The following RNF103 variants were observed in gnomAD, a reference collection of about 807,000 sequenced individuals.
The protein encoded by RNF103 is E3 ubiquitin-protein ligase RNF103.
A neutral mutation model predicts 66.2 loss-of-function variants in RNF103; 23 were observed. The observed-to-expected ratio is 0.35, with a 90% confidence interval of 0.25 to 0.49. RNF103 has a LOEUF of 0.49. Ranked by LOEUF, RNF103 falls within the 20% of genes least tolerant of loss-of-function variation. The probability of loss-of-function intolerance (pLI) is 0.98; values close to 1 mark genes in which losing one functional copy is unlikely to be tolerated. For missense variants in RNF103, 730 were observed against 814.7 expected (o/e 0.90, Z 1.27); for synonymous variants, 297 against 289.9 (o/e 1.02, Z -0.25).
chr2:86,622,248 T>A (rs1679254665), intron 1 of RNF103, among the ~76,000 whole-genome samples: 2 of 152,236 alleles, frequency 1.3e-5, no homozygotes, highest in South Asian at 4.1e-4. Flanking sequence ...ACTCTGGGTA[T>A]CTTATTATTA....
chr2:86,622,769 G>C lies in RNF103; in HGVS notation c.118C>G (p.Pro40Ala), dbSNP rs747704544. The C allele has an allele frequency of 1.2e-6, 2 of 1,614,146 alleles. No individual in the cohort carries two copies. The highest frequency in any genetic ancestry group is 3.3e-5 in the Admixed American group (2 of 60,030). ...TGIFATQLVD[P>A]VALSFKKLKT... The stretch of plus-strand genomic sequence containing the variant: ...AGCTTCTTGAAGCTCAGCGCCACCG[G>C]ATCCACCAGCTGGGTGGCAAAGATG... The change falls in exon 1 of 4, where the codon CCG becomes GCG. Residue 40 changes from proline to alanine, a missense_variant. Transcript: ENST00000237455.
Position 86,603,911 on chromosome 2 carries a change from AC to A in RNF103, c.1989del (p.Trp664GlyfsTer33). On this transcript the variant is annotated frameshift_variant, in exon 4 of 4. Transcript: ENST00000237455. LOFTEE classifies it high-confidence loss of function. ...AGGRHCCPVC[R>X]WPSYKKKQPY... is the part of the protein sequence containing the mutation. ...GGCTGCTTTTTTTTATAAGAAGGCC[AC>A]CGGCAAACAGGGCAACAATGTCGGC... 1 of 1,614,180 alleles carries A rather than the reference AC, an allele frequency of 6.2e-7. No individual in the cohort carries two copies.
intron 2 of RNF103, chr2:86,614,828 C>T: frequency 1.0e-6 from 1 of 985,014 alleles, no homozygotes; most frequent in Non-Finnish European, 1.2e-6. Context: ...ATACTCTCTA[C>T]TCTTTGCCCT....
intron 3 of RNF103, among the ~76,000 whole-genome samples, chr2:86,609,163 T>C (rs1195740348): frequency 6.6e-6 from 1 of 152,118 alleles, no homozygotes; most frequent in African/African-American, 2.4e-5. Context: ...AAGACTGAAT[T>C]AGTTCTTGTG....
Position 86,622,975 on chromosome 2 carries a change from G to A in RNF103, c.-89C>T. ...GGGGGCCGCGGCTCGGTGGCAGCTT[G>A]GGCGAGGGCCCCGTGTCCACGCGCG... On this transcript the variant is annotated 5_prime_UTR_variant, in exon 1 of 4. Transcript: ENST00000237455. 6.8e-7 allele frequency: 1 copy of A among 1,460,692 alleles called. No individual in the cohort carries two copies. Among genetic ancestry groups the A allele is most frequent in the Non-Finnish European group, 9.0e-7 (1 of 1,106,966 alleles). The allele number at this position is 1,460,692 out of a possible 1,614,324, so 90.5% of individuals were successfully genotyped here. A position where few individuals can be genotyped will look rare whatever the true frequency, so the allele number is the denominator to read the frequency against.
chr2:86,606,303 C>T (rs1259409265), intron 3 of RNF103, among the ~76,000 whole-genome samples: 1 of 152,110 alleles, frequency 6.6e-6, no homozygotes, highest in Non-Finnish European at 1.5e-5. Flanking sequence ...TTGACAGGTT[C>T]TTGCTAGGAT....
At position 86,612,282 on chromosome 2, in the gene RNF103, C is replaced by G. The variant is rs1558685403; in HGVS notation, c.367-8G>C. 2 of 1,548,746 alleles carry G rather than the reference C, an allele frequency of 1.3e-6. No individual in the cohort carries two copies. The highest frequency in any genetic ancestry group is 2.3e-5 in the South Asian group (2 of 85,558). ...TCTGTCATTTGCTATGACCTATTCC[C>G]AAAAATAGAGAAAAAGAAACTTGAA... On this transcript the variant is annotated splice_polypyrimidine_tract_variant and splice_region_variant and intron_variant, in intron 2 of 3. Coordinates refer to ENST00000237455, the MANE Select transcript of RNF103 (RefSeq NM_005667.4).
At chr2:86,608,592 T>C (rs1256253989) in intron 3 of RNF103, among the ~76,000 whole-genome samples, 1 of 151,942 alleles carries the variant, frequency 6.6e-6, no homozygotes, top group Non-Finnish European at 1.5e-5. Flanking sequence ...CCTCCTTGGT[T>C]TTCCTCGCTC....
rs1414792024 is a variant in RNF103 at position 86,612,198 on chromosome 2, C to T, written c.443G>A (p.Gly148Glu). Residue 148 changes from glycine to glutamate, a missense_variant, in exon 3 of 4, where the codon GGA (glycine) becomes GAA (glutamate). Around this residue, in one of 3 missense-constraint regions of RNF103, gnomAD observed 327 missense variants for 369.8 expected, o/e 0.88. Transcript: ENST00000237455. ...EKMVKKVSRFGIRTGTFNCSS... is the reference protein window; with the variant it reads ...EKMVKKVSRFEIRTGTFNCSS... ...ACAGTTAAATGTGCCTGTACGTATT[C>T]CAAATCTTGACACCTTTTTAACCAT... 6.2e-7 allele frequency: 1 copy of T among 1,613,578 alleles called. No individual in the cohort carries two copies. The highest frequency in any genetic ancestry group is 8.5e-7 in the Non-Finnish European group (1 of 1,179,848).
In RNF103 at chr2:86,623,803, A is replaced by G. The variant is rs1357086895; in HGVS notation, c.-917T>C. The G allele has an allele frequency of 1.6e-6, 2 of 1,282,416 alleles. No homozygotes were observed. The highest frequency in any genetic ancestry group is 1.2e-4 in the East Asian group (2 of 17,038). The allele number at this position is 1,282,416 out of a possible 1,614,324, so 79.4% of individuals were successfully genotyped here. ...CCCAACACCCCCGCCACCTCCGGAG[A>G]CCGCGGCCGTACCCTCCACAACCGT... On this transcript the variant is annotated 5_prime_UTR_variant, in exon 1 of 4. Transcript: ENST00000237455.
intron 2 of RNF103, chr2:86,617,660 T>C: frequency 1.0e-6 from 1 of 985,848 alleles, no homozygotes; most frequent in Non-Finnish European, 1.2e-6. Flanking sequence ...TTCAAATTGT[T>C]AAAAACAATT....
At chr2:86,605,919 G>T (rs2104202954) in intron 3 of RNF103, among the ~76,000 whole-genome samples, 1 of 152,272 alleles carries the variant, frequency 6.6e-6, no homozygotes, top group Admixed American at 6.5e-5. Context: ...GAAAAGAGAA[G>T]AAAACAGATT....
intron 3 of RNF103, among the ~76,000 whole-genome samples, chr2:86,609,358 T>C (rs1678694036): frequency 6.6e-6 from 1 of 151,812 alleles, no homozygotes; most frequent in Non-Finnish European, 1.5e-5. Flanking sequence ...AAATCTATTT[T>C]CTTCATAAAT....
chr2:86,615,614 G>A (rs779709071), intron 2 of RNF103, among the ~76,000 whole-genome samples: 8 of 151,382 alleles, frequency 5.3e-5, no homozygotes, highest in Non-Finnish European at 1.0e-4. Flanking sequence ...AAGGATGCAT[G>A]ATGATTCTGA....
intron 3 of RNF103, among the ~76,000 whole-genome samples, chr2:86,607,811 C>G (rs1678631147): frequency 6.6e-6 from 1 of 152,144 alleles, no homozygotes; most frequent in African/African-American, 2.4e-5. Context: ...CCTACTATGG[C>G]CTCTGATTTG....
chr2:86,615,222 G>A (rs1678969351), intron 2 of RNF103: 1 of 985,374 alleles, frequency 1.0e-6, no homozygotes, highest in Non-Finnish European at 1.2e-6. Flanking sequence ...TCTAGCATTT[G>A]GTTTTGAAGA....
intron 3 of RNF103, among the ~76,000 whole-genome samples, chr2:86,611,490 A>AAAG (rs1180552812): frequency 6.6e-6 from 1 of 152,228 alleles, no homozygotes; most frequent in East Asian, 1.9e-4. Context: ...AAGGCATTTC[A>AAAG]AAGAAGAAAT....
At chr2:86,622,521 A>G (rs2104270915) in intron 1 of RNF103, 140 bp downstream of exon 1, 1 of 745,266 alleles carries the variant, frequency 1.3e-6, no homozygotes, top group South Asian at 1.7e-5. Context: ...ACTTGATTGT[A>G]GGAAGCTTGG....
chr2:86,607,464 T>C (rs569626586), intron 3 of RNF103, among the ~76,000 whole-genome samples: 1 of 152,234 alleles, frequency 6.6e-6, no homozygotes, highest in Admixed American at 6.5e-5. Flanking sequence ...GAAAACTGTC[T>C]AGGTGACTCA....
Sources: allele counts gnomAD v4.1 joint callset (sites outside exome capture counted in the v4.1 genomes callset), GRCh38; gene constraint gnomAD v4.1.1; regional missense constraint gnomAD v4.1.1; transcripts MANE v1.5; gene names NCBI Gene and HGNC (gene_info 2026-07-23, HGNC 2026-07-21).